The following MAST2 variants were observed in gnomAD, a reference collection of about 807,000 sequenced individuals.
MAST2 encodes microtubule associated serine/threonine kinase 2.
In MAST2, 70 loss-of-function variants were observed where a neutral mutation model predicts 147.4. That is an observed-to-expected ratio of 0.47 (90% CI 0.39 to 0.58). The LOEUF (loss-of-function observed/expected upper bound fraction) is 0.58, where lower values mean the gene tolerates loss of function less well. MAST2 is among the 20% of genes least tolerant of loss of function. The probability of loss-of-function intolerance (pLI) is 0.00; values close to 1 mark genes in which losing one functional copy is unlikely to be tolerated. For missense variants in MAST2, 2,080 were observed against 2,302.3 expected (o/e 0.90, Z 1.98); for synonymous variants, 869 against 896.8 (o/e 0.97, Z 0.55).
intron 4 of MAST2, among the ~76,000 whole-genome samples, chr1:45,916,867 T>C (rs1652617061): frequency 6.6e-6 from 1 of 152,074 alleles, no homozygotes; most frequent in Non-Finnish European, 1.5e-5. Context: ...TCACTCGAGG[T>C]CAGGAGTTCG....
chr1:46,017,413 C>T (rs1224014957), intron 10 of MAST2, among the ~76,000 whole-genome samples: 33 of 152,222 alleles, frequency 2.2e-4, no homozygotes, highest in African/African-American at 5.1e-4. Flanking sequence ...AGAAAATTTT[C>T]GCAACCTACT....
At chr1:45,962,216 T>C (rs1430034565) in intron 5 of MAST2, among the ~76,000 whole-genome samples, 5 of 152,244 alleles carry the variant, frequency 3.3e-5, no homozygotes, top group Non-Finnish European at 5.9e-5. Context: ...TTGTGAGTCA[T>C]GCCGCAATAA....
chr1:45,991,200 A>G (rs1378736251), intron 5 of MAST2, among the ~76,000 whole-genome samples: 6 of 152,248 alleles, frequency 3.9e-5, no homozygotes, highest in East Asian at 3.9e-4. Context: ...TCAGTTGACT[A>G]TATTTGTATG....
chr1:46,002,980 C>A, intron 7 of MAST2, 97 bp downstream of exon 7: 2 of 1,223,088 alleles, frequency 1.6e-6, no homozygotes, highest in South Asian at 1.2e-5. Context: ...ACTTTTTCTC[C>A]AAAGTCAAAC....
chr1:45,917,481 C>G (rs569516180), intron 4 of MAST2: 1 of 1,366,554 alleles, frequency 7.3e-7, no homozygotes, highest in South Asian at 1.1e-5. Context: ...CCTGAACCCA[C>G]GAGCCCACAG....
chr1:46,020,806 G>A, intron 11 of MAST2, among the ~76,000 whole-genome samples: 1 of 152,144 alleles, frequency 6.6e-6, no homozygotes, highest in East Asian at 1.9e-4. Context: ...TCTGTAGTAT[G>A]TTCTGAATTC....
At chr1:45,806,916 C>G (rs1395325598) in intron 1 of MAST2, among the ~76,000 whole-genome samples, 1 of 152,134 alleles carries the variant, frequency 6.6e-6, no homozygotes, top group East Asian at 1.9e-4. Context: ...CCATGTTGCT[C>G]AGGCTAGCCT....
intron 4 of MAST2, among the ~76,000 whole-genome samples, chr1:45,915,208 C>A (rs530166055): frequency 8.5e-5 from 13 of 152,264 alleles, no homozygotes; most frequent in African/African-American, 2.9e-4. Context: ...CTGAGATTAC[C>A]ATACCTGGCA....
intron 3 of MAST2, among the ~76,000 whole-genome samples, chr1:45,842,136 C>T (rs914961836): frequency 2.0e-5 from 3 of 152,078 alleles, no homozygotes; most frequent in African/African-American, 7.2e-5. Context: ...GTGATCCACC[C>T]GCTTTGGCCT....
intron 1 of MAST2, among the ~76,000 whole-genome samples, chr1:45,808,455 C>T (rs948231764): frequency 2.0e-5 from 3 of 152,120 alleles, no homozygotes; most frequent in African/African-American, 4.8e-5. Flanking sequence ...GCAATCCACC[C>T]GCCTTGGCCT....
chr1:45,843,555 G>A (rs1298076854), intron 3 of MAST2, among the ~76,000 whole-genome samples: 1 of 152,124 alleles, frequency 6.6e-6, no homozygotes, highest in Non-Finnish European at 1.5e-5. Flanking sequence ...GGCTATAGAT[G>A]TGGACTTGGA....
chr1:45,944,043 T>C (rs1477121989), intron 4 of MAST2, among the ~76,000 whole-genome samples: 1 of 152,218 alleles, frequency 6.6e-6, no homozygotes, highest in East Asian at 1.9e-4. Flanking sequence ...ATTTCCTGCA[T>C]GAGATCCAAG....
chr1:45,939,980 GTTTTTTTTTT>G (rs1174123217), intron 4 of MAST2, among the ~76,000 whole-genome samples: 3 of 97,334 alleles, frequency 3.1e-5, no homozygotes, highest in Admixed American at 1.3e-4. Flanking sequence ...TTTATTTAGG[GTTTTTTTTTT>G]TTTTTTTTTT....
intron 3 of MAST2, among the ~76,000 whole-genome samples, chr1:45,876,395 A>C (rs1192067099): frequency 1.3e-5 from 2 of 152,324 alleles, no homozygotes; most frequent in East Asian, 3.9e-4. Context: ...GCTGGAATAG[A>C]CTTGAATGTG....
At position 46,034,746 on chromosome 1, in the gene MAST2, T is replaced by G. The variant is rs1439755699; in HGVS notation, c.4077T>G (p.Pro1359=). ...CTCCCCCACCCCCAACAGCTTCACCTCAGCGGTCCCCATCGCCCCTGTCTG... is the reference window on the plus strand; with the variant it reads ...CTCCCCCACCCCCAACAGCTTCACCGCAGCGGTCCCCATCGCCCCTGTCTG... ...TPSPPPPTAS[P]QRSPSPLSGH... Residue 1359 remains proline, a synonymous_variant, in exon 29 of 29, where the codon CCT becomes CCG. Coordinates refer to ENST00000361297, the MANE Select transcript of MAST2 (RefSeq NM_015112.3). 1 of 1,610,876 alleles carries G rather than the reference T, an allele frequency of 6.2e-7. No individual in the cohort carries two copies. The highest frequency in any genetic ancestry group is 1.1e-5 in the South Asian group (1 of 91,010).
chr1:45,908,208 T>C (rs1344858910), intron 4 of MAST2, among the ~76,000 whole-genome samples: 2 of 152,188 alleles, frequency 1.3e-5, no homozygotes, highest in Admixed American at 6.5e-5. Flanking sequence ...TAAATTGTTT[T>C]TTATTATACT....
At chr1:45,922,928 C>A (rs1323442200) in intron 4 of MAST2, among the ~76,000 whole-genome samples, 3 of 152,154 alleles carry the variant, frequency 2.0e-5, no homozygotes, top group African/African-American at 7.2e-5. Flanking sequence ...GGTGACCGTG[C>A]CAGTTGTTTA....
At chr1:45,985,852 T>C (rs1052382649) in intron 5 of MAST2, among the ~76,000 whole-genome samples, 2 of 152,258 alleles carry the variant, frequency 1.3e-5, no homozygotes, top group African/African-American at 4.8e-5. Context: ...GTGTTCCATA[T>C]TTTTATGCAA....
intron 4 of MAST2, among the ~76,000 whole-genome samples, chr1:45,883,298 CAT>C (rs1319632727): frequency 2.3e-4 from 35 of 152,214 alleles, no homozygotes; most frequent in East Asian, 5.8e-4. Flanking sequence ...TTAAATGAAA[CAT>C]GTAGTAATTC....
Sources: gnomAD v4.1 joint callset for allele counts (sites outside exome capture counted in the v4.1 genomes callset) on GRCh38, gnomAD v4.1.1 for gene constraint, MANE v1.5 for transcripts, NCBI Gene and HGNC (gene_info 2026-07-23, HGNC 2026-07-21) for gene names.